Variants in KIAA0930 observed in about 807,000 individuals in gnomAD.
KIAA0930 encodes KIAA0930.
A neutral mutation model predicts 43.9 loss-of-function variants in KIAA0930; 24 were observed. The observed-to-expected ratio is 0.55, with a 90% CI of 0.40 to 0.77. The LOEUF (loss-of-function observed/expected upper bound fraction) is 0.77, where lower values mean the gene tolerates loss of function less well. Ranked by LOEUF, KIAA0930 falls within the 30% of genes least tolerant of loss-of-function variation. The pLI, the probability that KIAA0930 is intolerant of heterozygous loss-of-function variation, is 0.00. For synonymous variants in KIAA0930, 259 were observed against 216.4 expected, an observed-to-expected ratio of 1.20 and a Z score of -1.73; for missense variants, 461 against 574.2, an observed-to-expected ratio of 0.80 and a Z score of 2.02.
At chr22:45,228,405 C>T (rs1053866513) in intron 1 of KIAA0930, among the ~76,000 whole-genome samples, 15 of 152,134 alleles carry the variant, frequency 9.9e-5, no homozygotes, top group African/African-American at 2.2e-4. Context: ...TGAGGCACAG[C>T]GCTGCCACCT....
chr22:45,199,814 T>C, intron 8 of KIAA0930, 59 bp downstream of exon 8: 1 of 1,376,030 alleles, frequency 7.3e-7, no homozygotes, highest in Non-Finnish European at 9.7e-7. Flanking sequence ...GAATGACTGG[T>C]CTGGATCAAG....
At chr22:45,215,166 C>T (rs952574301) in intron 1 of KIAA0930, among the ~76,000 whole-genome samples, 2 of 150,548 alleles carry the variant, frequency 1.3e-5, no homozygotes, top group South Asian at 2.1e-4. Context: ...TGCAGTGAGT[C>T]GAGATTGTGC....
intron 5 of KIAA0930, 30 bp from the exon 6 acceptor site, chr22:45,204,015 T>C (rs1404621844): frequency 6.2e-7 from 1 of 1,612,688 alleles, no homozygotes; most frequent in Middle Eastern, 1.7e-4. Flanking sequence ...GACAGGGACG[T>C]GACCATCAGC....
At chr22:45,215,148 G>A (rs1026823982) in intron 1 of KIAA0930, among the ~76,000 whole-genome samples, 3 of 151,414 alleles carry the variant, frequency 2.0e-5, no homozygotes, top group Admixed American at 2.0e-4. Flanking sequence ...AACCCGGGAG[G>A]CAGAGGCTGC....
intron 7 of KIAA0930, 124 bp downstream of exon 7, chr22:45,202,866 G>C (rs944196960): frequency 2.5e-6 from 2 of 800,980 alleles, no homozygotes. Flanking sequence ...TCGGCACCTC[G>C]GCCTGCGCAC....
At chr22:45,234,360 T>C (rs2083873319) in intron 1 of KIAA0930, among the ~76,000 whole-genome samples, 1 of 152,116 alleles carries the variant, frequency 6.6e-6, no homozygotes, top group African/African-American at 2.4e-5. Flanking sequence ...AGCTCTCAGG[T>C]AAGAAGACAA....
intron 2 of KIAA0930, chr22:45,211,303 C>G (rs985358492): frequency 3.5e-5 from 14 of 398,280 alleles, no homozygotes; most frequent in Admixed American, 2.2e-4. Flanking sequence ...ATTTTACGAA[C>G]AGCAAAAGCT....
At chr22:45,203,595 A>C (rs2147739085) in intron 6 of KIAA0930, among the ~76,000 whole-genome samples, 1 of 152,240 alleles carries the variant, frequency 6.6e-6, no homozygotes, top group East Asian at 1.9e-4. Context: ...GGAACTAGAG[A>C]CTGAGGAGGA....
Position 45,211,970 on chromosome 22 carries a change from C to T in KIAA0930, c.202G>A (p.Ala68Thr). 2.5e-6 allele frequency: 4 copies of T among 1,612,132 alleles called. No individual in the cohort carries two copies. Among genetic ancestry groups the T allele is most frequent in the Non-Finnish European group, 3.4e-6 (4 of 1,180,014 alleles). The change falls in exon 2 of 10, where the codon GCA (alanine) becomes ACA (threonine). Residue 68 changes from alanine to threonine, a missense_variant. Transcript: ENST00000336156. ...KLAYSGSESG[A>T]DGRKAAEPEV... ...GGGTCACTCACCTTCCTCCCGTCTGCACCGCTTTCGCTGCCGGAGTACGCC... is the reference window on the plus strand; with the variant it reads ...GGGTCACTCACCTTCCTCCCGTCTGTACCGCTTTCGCTGCCGGAGTACGCC...
At chr22:45,207,851 AC>A (rs2147743832) in intron 2 of KIAA0930, 1 of 169,142 alleles carries the variant, frequency 5.9e-6, no homozygotes, top group South Asian at 2.0e-4. Flanking sequence ...CCCCACTTCC[AC>A]CGCCTGTATG....
At chr22:45,222,572 G>A (rs527577092) in intron 1 of KIAA0930, among the ~76,000 whole-genome samples, 2 of 151,732 alleles carry the variant, frequency 1.3e-5, no homozygotes, top group Non-Finnish European at 2.9e-5. Flanking sequence ...GCCTCCCAAA[G>A]TGCTGGGATT....
At chr22:45,220,893 C>T (rs781521112) in intron 1 of KIAA0930, among the ~76,000 whole-genome samples, 13 of 151,464 alleles carry the variant, frequency 8.6e-5, no homozygotes, top group Non-Finnish European at 2.9e-5. Context: ...CCCAACCCCA[C>T]CCACTTCTCA....
At chr22:45,203,267 G>GC in intron 6 of KIAA0930, 83 bp from the exon 7 acceptor site, 1 of 1,397,706 alleles carries the variant, frequency 7.2e-7, no homozygotes. Flanking sequence ...AACAGCCAGG[G>GC]CGACCATCCC....
At chr22:45,218,048 C>T (rs763632118) in intron 1 of KIAA0930, among the ~76,000 whole-genome samples, 1 of 152,240 alleles carries the variant, frequency 6.6e-6, no homozygotes, top group Non-Finnish European at 1.5e-5. Flanking sequence ...CCTGGTTCTG[C>T]ACGACGCTGG....
At chr22:45,228,464 G>A (rs1355563818) in intron 1 of KIAA0930, among the ~76,000 whole-genome samples, 1 of 152,108 alleles carries the variant, frequency 6.6e-6, no homozygotes, top group African/African-American at 2.4e-5. Context: ...TCTGACCCTC[G>A]CTCCTTCCTC....
rs578021198 is a variant in KIAA0930, at chr22:45,214,975, T to C, written c.65-2868A>G. Among the ~76,000 whole-genome samples the C allele has an allele frequency of 3.3e-5, 5 of 151,950 alleles. No homozygotes were observed. In the South Asian group the frequency reaches 8.3e-4, roughly 25 times the overall value. ...GCTCACACCTGTAATTCCAGCACTTTAGGAGGCTGTGGCCGGCAGATCACT... is the reference window on the plus strand; with the variant it reads ...GCTCACACCTGTAATTCCAGCACTTCAGGAGGCTGTGGCCGGCAGATCACT... On this transcript the variant is annotated intron_variant, in intron 1 of 9. Transcript: ENST00000336156.
rs112991937 is a variant in KIAA0930, at chr22:45,228,723, A to G, written c.64+11917T>C. On this transcript the variant is annotated intron_variant, in intron 1 of 9. Coordinates refer to ENST00000336156, the MANE Select transcript of KIAA0930 (RefSeq NM_001009880.2). Reference sequence around the variant, plus strand: ...CCCCAACCACCAAACACTCACCCGAAAGATCCCTCTCCACCCCCCTACCAC... The same window carrying G: ...CCCCAACCACCAAACACTCACCCGAGAGATCCCTCTCCACCCCCCTACCAC... Among the ~76,000 whole-genome samples, 717 of 91,154 alleles carry G rather than the reference A, an allele frequency of 7.9e-3. 8 individuals are homozygous for G. Among genetic ancestry groups the G allele is most frequent in the Admixed American group, 0.023 (196 of 8,576 alleles). 59.8% of individuals were successfully genotyped at this position (91,154 alleles called of 152,430 possible). A position where few individuals can be genotyped will look rare whatever the true frequency, so the allele number is the denominator to read the frequency against.
At chr22:45,240,056 C>T (rs1392912157) in intron 1 of KIAA0930, among the ~76,000 whole-genome samples, 1 of 152,074 alleles carries the variant, frequency 6.6e-6, no homozygotes, top group Non-Finnish European at 1.5e-5. Context: ...GGCAGCAGGC[C>T]CTGCCCCTCA....
intron 2 of KIAA0930, among the ~76,000 whole-genome samples, chr22:45,209,450 G>A (rs536261979): frequency 3.3e-5 from 5 of 152,260 alleles, no homozygotes; most frequent in Admixed American, 6.5e-5. Flanking sequence ...ACCAGGCCCC[G>A]CAATCTCCAT....
Sources: allele counts gnomAD v4.1 joint callset (sites outside exome capture counted in the v4.1 genomes callset), GRCh38; gene constraint gnomAD v4.1.1; transcripts MANE v1.5; gene names NCBI Gene and HGNC (gene_info 2026-07-23, HGNC 2026-07-21).